WNK2: variants seen among roughly 807,000 people sequenced by gnomAD.
The protein encoded by WNK2 is WNK lysine deficient protein kinase 2, also known as serine/threonine-protein kinase WNK2.
Under a neutral mutation model 192.1 loss-of-function variants are expected in WNK2, and 67 were observed. The observed-to-expected ratio is 0.35, with a 90% CI of 0.29 to 0.43. The LOEUF (loss-of-function observed/expected upper bound fraction) is 0.43, where lower values mean the gene tolerates loss of function less well. Among genes scored for constraint, WNK2 ranks in the 20% least tolerant of loss-of-function variants. The pLI is 1.00. For missense variants in WNK2, 2,698 were observed against 3,089.7 expected, an observed-to-expected ratio of 0.87 and a Z score of 3.01; for synonymous variants, 1,439 against 1,393.9, an observed-to-expected ratio of 1.03 and a Z score of -0.72.
intron 2 of WNK2, among the ~76,000 whole-genome samples, chr9:93,217,920 C>A (rs752638115): frequency 6.6e-6 from 1 of 150,616 alleles, no homozygotes; most frequent in Admixed American, 6.7e-5. Context: ...TGGGCGTAGG[C>A]GTAGAAGACC....
chr9:93,219,516 A>C (rs953578161), intron 2 of WNK2, among the ~76,000 whole-genome samples: 1 of 152,100 alleles, frequency 6.6e-6, no homozygotes, highest in Non-Finnish European at 1.5e-5. Flanking sequence ...ATTGTTTCCA[A>C]GTTTGTCATT....
rs945678600 is a variant in WNK2, at chr9:93,247,812, G to T, written c.1812G>T (p.Pro604=). The change falls in exon 8 of 30, where the codon CCG becomes CCT. Residue 604 remains proline (P), a synonymous_variant. Coordinates refer to ENST00000427277, the MANE Select transcript of WNK2 (RefSeq NM_006648.4). This position sits in a 1 kb window ranked among gnomAD's most constrained non-coding sequence, Gnocchi z 5.2. ...ADQHLLPPTL[P]TSATSLASDS... is the part of the protein sequence containing the mutation. ...AGCACCTCCTGCCACCTACGTTGCC[G>T]ACCAGCGCCACCTCCCTGGCCTGTG... 41 of 1,540,756 alleles carry T rather than the reference G, an allele frequency of 2.7e-5. No individual in the cohort carries two copies. The highest frequency in any genetic ancestry group is 1.2e-4 in the Admixed American group (6 of 51,242).
chr9:93,245,959 C>T (rs1216326908), intron 7 of WNK2, among the ~76,000 whole-genome samples: 1 of 152,122 alleles, frequency 6.6e-6, no homozygotes, highest in Non-Finnish European at 1.5e-5. Flanking sequence ...GCAGATGATC[C>T]ACAGGAAAGG....
intron 26 of WNK2, among the ~76,000 whole-genome samples, chr9:93,304,817 G>A (rs759388325): frequency 6.6e-6 from 1 of 152,222 alleles, no homozygotes; most frequent in Admixed American, 6.5e-5. Context: ...AGTGGCGTCC[G>A]ACAGCATGGC....
chr9:93,221,428 G>A (rs943058359), intron 2 of WNK2, among the ~76,000 whole-genome samples: 10 of 152,178 alleles, frequency 6.6e-5, no homozygotes, highest in South Asian at 4.1e-4. Flanking sequence ...CTCTCCACCC[G>A]TCTACTGGCT....
chr9:93,263,910 C>T lies in WNK2; in HGVS notation c.3580-7C>T, dbSNP rs1452103556. ...CCCGTGGTGGGTGCTGATGCTGCCC[C>T]TTCCAGGTGTGCAACACTGGGGACA... On this transcript the variant is annotated splice_polypyrimidine_tract_variant and splice_region_variant and intron_variant, in intron 15 of 29. Transcript: ENST00000427277. The T allele has an allele frequency of 1.9e-6, 3 of 1,610,154 alleles. No homozygotes were observed. The highest frequency in any genetic ancestry group is 2.5e-6 in the Non-Finnish European group (3 of 1,178,486).
At chr9:93,235,714 C>G (rs553996762) in intron 5 of WNK2, among the ~76,000 whole-genome samples, 1 of 152,366 alleles carries the variant, frequency 6.6e-6, no homozygotes, top group Admixed American at 6.5e-5. Flanking sequence ...GGCGTCTGCA[C>G]TGAGGGCCCA....
intron 8 of WNK2, among the ~76,000 whole-genome samples, chr9:93,251,525 C>T (rs866116205): frequency 1.1e-4 from 17 of 152,204 alleles, no homozygotes; most frequent in South Asian, 4.2e-4. Flanking sequence ...GTCTGGGCAA[C>T]GTGGCGAAAC....
At chr9:93,277,101 G>A (rs554503672) in intron 19 of WNK2, among the ~76,000 whole-genome samples, 1 of 152,230 alleles carries the variant, frequency 6.6e-6, no homozygotes, top group Non-Finnish European at 1.5e-5. Flanking sequence ...AGGATATAAG[G>A]ATGGTAATTA....
chr9:93,317,438 T>G, intron 28 of WNK2, 82 bp from the exon 29 acceptor site: 3 of 1,383,184 alleles, frequency 2.2e-6, no homozygotes, highest in Non-Finnish European at 3.0e-6. Context: ...ATGGAGAAAC[T>G]GTGGCACCCT....
rs902073657 is a variant in WNK2 at position 93,229,939 on chromosome 9, G to T, written c.854+71G>T. On this transcript the variant is annotated intron_variant, in intron 3 of 29. Transcript: ENST00000427277. The surrounding 1 kb of genome is among the most constrained non-coding windows in gnomAD (Gnocchi z 4.9). The stretch of plus-strand genomic sequence containing the variant: ...CAGGGCTACCATAGCTGAGGGTGAG[G>T]TCTTGGGCTGCTGGGGTGGTCCTGG... 5.8e-6 allele frequency: 9 copies of T among 1,546,272 alleles called. No individual in the cohort carries two copies. In the East Asian group the frequency reaches 7.0e-5, roughly 12 times the overall value.
rs77986061 is a variant in WNK2, at chr9:93,210,158, C to T, written c.682-19538C>T. On this transcript the variant is annotated intron_variant, in intron 2 of 29. Coordinates refer to ENST00000427277, the MANE Select transcript of WNK2 (RefSeq NM_006648.4). The stretch of plus-strand genomic sequence containing the variant: ...CCGACGGCCTCATGCACTGTCCCCA[C>T]GTGAGTGACTTCCCTGCCTCTCTGC... Among the ~76,000 whole-genome samples, 378 of 152,262 alleles carry T rather than the reference C, an allele frequency of 2.5e-3. 3 individuals carry two copies. Among genetic ancestry groups the T allele is most frequent in the African/African-American group, 8.8e-3 (364 of 41,546 alleles).
chr9:93,199,315 G>T (rs935637480), intron 2 of WNK2, among the ~76,000 whole-genome samples: 20 of 152,208 alleles, frequency 1.3e-4, no homozygotes, highest in African/African-American at 4.6e-4. Context: ...GTCAAGGATA[G>T]TCCTGGGCTC....
At chr9:93,186,710 C>T (rs1829405597) in intron 2 of WNK2, among the ~76,000 whole-genome samples, 1 of 152,182 alleles carries the variant, frequency 6.6e-6, no homozygotes, top group South Asian at 2.1e-4. Context: ...GACAGGGTGG[C>T]CTGCGTGTGT....
At chr9:93,296,556 A>C (rs1396261085) in intron 23 of WNK2, among the ~76,000 whole-genome samples, 3 of 18,046 alleles carry the variant, frequency 1.7e-4, no homozygotes, top group Non-Finnish European at 1.9e-4. Context: ...TCCCCTCTCC[A>C]TCCTCCCCTT....
intron 2 of WNK2, among the ~76,000 whole-genome samples, chr9:93,224,068 C>T (rs1405511677): frequency 6.6e-6 from 1 of 152,180 alleles, no homozygotes; most frequent in Admixed American, 6.5e-5. Flanking sequence ...CAGAGAAGCT[C>T]CAGGCTTCCT....
Position 93,292,516 on chromosome 9 carries a change from C to A in WNK2, c.5051C>A (p.Ala1684Glu). Reference sequence around the variant, plus strand: ...GATGTACCTGCTTTTGTGAGACCTGCACGTGTGGAGCCCACAGACAGGGAT... The same window carrying A: ...GATGTACCTGCTTTTGTGAGACCTGAACGTGTGGAGCCCACAGACAGGGAT... Reference protein sequence around the residue: ...PQDVPAFVRPARVEPTDRDGG... With the variant: ...PQDVPAFVRPERVEPTDRDGG... Residue 1684 changes from alanine to glutamate, a missense_variant, in exon 23 of 30, where the codon GCA becomes GAA. By Grantham distance (107) the Ala-to-Glu change is moderately radical (BLOSUM62 -1). Around this residue, in one of 7 missense-constraint regions of WNK2, gnomAD observed 1,098 missense variants for 1,101.0 expected, o/e 1.00. Transcript: ENST00000427277. The A allele has an allele frequency of 6.3e-7, 1 of 1,588,310 alleles. No individual in the cohort carries two copies. Among genetic ancestry groups the A allele is most frequent in the South Asian group, 1.2e-5 (1 of 86,756 alleles).
At chr9:93,260,529 G>A (rs144481769) in intron 12 of WNK2, among the ~76,000 whole-genome samples, 102 of 152,276 alleles carry the variant, frequency 6.7e-4, no homozygotes, top group Non-Finnish European at 1.3e-3. Flanking sequence ...TGGTCCTAAT[G>A]TGAAGGGGCC....
chr9:93,247,459 G>GT lies in WNK2; in HGVS notation c.1543-83dup. 6.8e-7 allele frequency: 1 copy of GT among 1,476,912 alleles called. No individual in the cohort carries two copies. Among genetic ancestry groups the GT allele is most frequent in the Non-Finnish European group, 9.2e-7 (1 of 1,084,122 alleles). 91.5% of individuals were successfully genotyped at this position (1,476,912 alleles called of 1,614,324 possible). On this transcript the variant is annotated intron_variant, in intron 7 of 29. Coordinates refer to ENST00000427277, the MANE Select transcript of WNK2 (RefSeq NM_006648.4). The surrounding 1 kb of genome is among the most constrained non-coding windows in gnomAD (Gnocchi z 5.2). ...GAGCGTGTCCTGCGTGGATGAGCCA[G>GT]TGATGGGAAAGCACTTTAGGTAAGG... is the stretch of plus-strand genomic sequence containing the variant.
Sources: gnomAD v4.1 joint callset for allele counts (sites outside exome capture counted in the v4.1 genomes callset) on GRCh38, gnomAD v4.1.1 for gene constraint, gnomAD v4.1.1 regional missense constraint, Gnocchi (gnomAD v3.1) non-coding constraint, MANE v1.5 for transcripts, NCBI Gene and HGNC (gene_info 2026-07-23, HGNC 2026-07-21) for gene names.